Variants in TNN observed in about 807,000 individuals in gnomAD.
TNN encodes the protein tenascin N.
Under a neutral mutation model 134.4 loss-of-function variants are expected in TNN, and 122 were observed. The observed-to-expected ratio is 0.91, with a 90% CI of 0.78 to 1.06. The LOEUF (loss-of-function observed/expected upper bound fraction) is 1.06, where lower values mean the gene tolerates loss of function less well. TNN is among the 50% of genes least tolerant of loss of function. The pLI, the probability that TNN is intolerant of heterozygous loss-of-function variation, is 0.00. For synonymous variants in TNN, 710 were observed against 670.3 expected, an observed-to-expected ratio of 1.06 and a Z score of -0.91; for missense variants, 1,739 against 1,699.4, an observed-to-expected ratio of 1.02 and a Z score of -0.41.
intron 7 of TNN, 129 bp downstream of exon 7, chr1:175,094,382 C>A: frequency 1.2e-6 from 1 of 811,304 alleles, no homozygotes; most frequent in Non-Finnish European, 1.8e-6. Context: ...GGTTGCAAAA[C>A]CAATTTTGAT....
At chr1:175,091,555 TTATTTTTA>T (rs1237705152) in intron 6 of TNN, among the ~76,000 whole-genome samples, 32 of 138,392 alleles carry the variant, frequency 2.3e-4, no homozygotes, top group African/African-American at 8.8e-4. Context: ...CTTTTATTTA[TTATTTTTA>T]TTTATTTATT....
chr1:175,142,260 T>A (rs193141163), intron 17 of TNN, among the ~76,000 whole-genome samples: 2 of 152,346 alleles, frequency 1.3e-5, no homozygotes, highest in East Asian at 3.9e-4. Context: ...CTGCTTTTTC[T>A]GGGTGAGGCA....
intron 13 of TNN, among the ~76,000 whole-genome samples, chr1:175,127,392 T>TC (rs1250974498): frequency 6.6e-6 from 1 of 152,190 alleles, no homozygotes; most frequent in African/African-American, 2.4e-5. Flanking sequence ...GGGTTATACC[T>TC]CCCCTTAGAA....
intron 1 of TNN, among the ~76,000 whole-genome samples, chr1:175,073,171 G>A (rs1282276259): frequency 6.6e-6 from 1 of 152,076 alleles, no homozygotes; most frequent in Admixed American, 6.5e-5. Context: ...CGGCAGAAGT[G>A]TATAGGGATT....
At position 175,135,099 on chromosome 1, in the gene TNN, CT is replaced by C. The variant is rs1479836292; in HGVS notation, c.3331-745del. 4.6e-5 allele frequency among the ~76,000 whole-genome samples: 7 copies of C among 152,326 alleles called. 1 individual carries two copies. In the East Asian group the frequency reaches 1.2e-3, roughly 25 times the overall value. On this transcript the variant is annotated intron_variant, in intron 15 of 18. Coordinates refer to ENST00000239462, the MANE Select transcript of TNN (RefSeq NM_022093.2). ...CTGACCACTCCTACTCATCCTGCAGCTCAGCCATGTCCTGGGGGTGGTTTCT... is the reference window on the plus strand; with the variant it reads ...CTGACCACTCCTACTCATCCTGCAGCCAGCCATGTCCTGGGGGTGGTTTCT...
chr1:175,117,163 G>T lies in TNN; in HGVS notation c.2344G>T (p.Gly782Trp). Reference sequence around the variant, plus strand: ...CACGGTGCACGTGTGGGCCCAGAAGGGGGCCCAGGAGAGCAAGAAGGCTGA... The same window carrying T: ...CACGGTGCACGTGTGGGCCCAGAAGTGGGCCCAGGAGAGCAAGAAGGCTGA... Reference protein sequence around the residue: ...EYTVHVWAQKGAQESKKADTK... With the variant: ...EYTVHVWAQKWAQESKKADTK... The change falls in exon 10 of 19, where the codon GGG becomes TGG. Residue 782 changes from glycine (G) to tryptophan (W), a missense_variant. Gly to Trp is a radical substitution (Grantham distance 184). Transcript: ENST00000239462. 1 of 1,614,268 alleles carries T rather than the reference G, an allele frequency of 6.2e-7. No homozygotes were observed. Among genetic ancestry groups the T allele is most frequent in the Non-Finnish European group, 8.5e-7 (1 of 1,180,048 alleles).
At chr1:175,137,120 G>A (rs1675832490) in intron 17 of TNN, 132 bp downstream of exon 17, 2 of 940,258 alleles carry the variant, frequency 2.1e-6, no homozygotes, top group Non-Finnish European at 1.6e-6. Flanking sequence ...TGACAGTGGA[G>A]GTCCTACTCT....
Position 175,079,413 on chromosome 1 carries a change from C to T in TNN, c.490C>T (p.Pro164Ser). The T allele has an allele frequency of 6.3e-7, 1 of 1,592,852 alleles. No individual in the cohort carries two copies. The highest frequency in any genetic ancestry group is 8.5e-7 in the Non-Finnish European group (1 of 1,173,244). ...CCACTGCGAAGAGGGCAGGGAGGGC[C>T]CCGCCTGCGAGCGGCTGGCCTGCCC... The part of the protein sequence containing the change: ...SCHCEEGREG[P>S]ACERLACPGA... Residue 164 changes from proline (P) to serine (S), a missense_variant, in exon 3 of 19, where the codon CCC (proline) becomes TCC (serine). Physicochemically the swap from Pro to Ser is moderately conservative, Grantham distance 74. Transcript: ENST00000239462.
At chr1:175,085,825 G>T (rs1413775560) in intron 6 of TNN, among the ~76,000 whole-genome samples, 1 of 138,466 alleles carries the variant, frequency 7.2e-6, no homozygotes, top group East Asian at 2.2e-4. Context: ...GGTGAGCCGA[G>T]ATCGTGCCAT....
chr1:175,129,440 A>C (rs1365011770), intron 15 of TNN, among the ~76,000 whole-genome samples: 5 of 151,444 alleles, frequency 3.3e-5, no homozygotes, highest in Non-Finnish European at 7.4e-5. Flanking sequence ...ACACCAATCA[A>C]CTGTAAGGAT....
intron 17 of TNN, among the ~76,000 whole-genome samples, chr1:175,139,404 C>T (rs1381256307): frequency 6.6e-6 from 1 of 151,694 alleles, no homozygotes; most frequent in Admixed American, 6.6e-5. Context: ...ACTTTTTAAA[C>T]CTTTGTGTTA....
Position 175,123,562 on chromosome 1 carries a change from C to G in TNN, c.2813C>G (p.Thr938Ser), listed in dbSNP as rs138817021. 60 of 1,614,062 alleles carry G rather than the reference C, an allele frequency of 3.7e-5. No homozygotes were observed. In the African/African-American group the frequency reaches 7.2e-4, roughly 19 times the overall value. Residue 938 changes from threonine to serine, a missense_variant, in exon 12 of 19, where the codon ACT (threonine) becomes AGT (serine). Thr to Ser is a moderately conservative substitution (Grantham distance 58). Coordinates refer to ENST00000239462, the MANE Select transcript of TNN (RefSeq NM_022093.2). ...EVPVGKEHSSTVLTGLRPGME... is the reference protein window; with the variant it reads ...EVPVGKEHSSSVLTGLRPGME... ...CCGGTGGGGAAGGAGCACAGCAGCA[C>G]TGTCCTGACGGGCCTGAGACCAGGC...
At chr1:175,069,363 G>A (rs187570669) in intron 1 of TNN, among the ~76,000 whole-genome samples, 1 of 152,276 alleles carries the variant, frequency 6.6e-6, no homozygotes, top group East Asian at 1.9e-4. Flanking sequence ...AGGGAAGAAG[G>A]CACCTGGCAT....
At chr1:175,071,870 C>A (rs1364530468) in intron 1 of TNN, among the ~76,000 whole-genome samples, 1 of 152,230 alleles carries the variant, frequency 6.6e-6, no homozygotes. Flanking sequence ...CACAGACACA[C>A]ACAAATCCAG....
At chr1:175,117,911 T>C (rs950281253) in intron 10 of TNN, among the ~76,000 whole-genome samples, 1 of 152,228 alleles carries the variant, frequency 6.6e-6, no homozygotes, top group African/African-American at 2.4e-5. Context: ...GGAAGCGATA[T>C]CTAACCATAT....
At chr1:175,140,749 G>T (rs1377998849) in intron 17 of TNN, among the ~76,000 whole-genome samples, 1 of 152,184 alleles carries the variant, frequency 6.6e-6, no homozygotes, top group Non-Finnish European at 1.5e-5. Context: ...TTTAGGCAGC[G>T]ATCTAGTCTT....
chr1:175,125,754 T>TC, intron 12 of TNN, among the ~76,000 whole-genome samples: 1 of 143,912 alleles, frequency 6.9e-6, no homozygotes, highest in African/African-American at 2.6e-5. Context: ...TCTTTCTTTC[T>TC]TTCTCTCTCT....
chr1:175,076,887 T>A (rs529640594), intron 1 of TNN, among the ~76,000 whole-genome samples: 15 of 152,316 alleles, frequency 9.8e-5, no homozygotes, highest in Admixed American at 8.5e-4. Flanking sequence ...ATGGGGGTCA[T>A]CATAGTATAT....
rs765864058 is a variant in TNN at position 175,079,545 on chromosome 1, G to A, written c.622G>A (p.Gly208Arg). Residue 208 changes from glycine (G) to arginine (R), a missense_variant, in exon 3 of 19, where the codon GGA becomes AGA. Transcript: ENST00000239462. ...CCCGGCCTGCCCTGAGAACTGCAGC[G>A]GACACGGCGAGTGCGTGCGCGGCGT... ...GYPACPENCS[G>R]HGECVRGVCQ... 3.1e-5 allele frequency: 48 copies of A among 1,569,900 alleles called. No individual in the cohort carries two copies. The highest frequency in any genetic ancestry group is 2.4e-4 in the Admixed American group (13 of 53,726).
Sources: gnomAD v4.1 joint callset for allele counts (sites outside exome capture counted in the v4.1 genomes callset) on GRCh38, gnomAD v4.1.1 for gene constraint, MANE v1.5 for transcripts, NCBI Gene and HGNC (gene_info 2026-07-23, HGNC 2026-07-21) for gene names.